Variants in TMEM131 observed in about 807,000 individuals in gnomAD.
TMEM131 encodes 2610524E03Rik.
In TMEM131, 66 loss-of-function variants were observed where a neutral mutation model predicts 211.6. The ratio of observed to expected loss-of-function variants is 0.31; its 90% CI spans 0.26 to 0.38. The LOEUF (loss-of-function observed/expected upper bound fraction) is 0.38, where lower values mean the gene tolerates loss of function less well. Among genes scored for constraint, TMEM131 ranks in the 10% least tolerant of loss-of-function variants. The probability of loss-of-function intolerance (pLI) is 1.00; values close to 1 mark genes in which losing one functional copy is unlikely to be tolerated. For missense variants in TMEM131, 2,036 were observed against 2,299.3 expected, an observed-to-expected ratio of 0.89 and a Z score of 2.34; for synonymous variants, 844 against 841.3, an observed-to-expected ratio of 1.00 and a Z score of -0.06.
chr2:97,758,005 G>A (rs1032516056), intron 40 of TMEM131, among the ~76,000 whole-genome samples: 11 of 152,074 alleles, frequency 7.2e-5, no homozygotes, highest in African/African-American at 2.4e-4. Flanking sequence ...GGTGGTGGGC[G>A]CCTCTAGTCC....
intron 11 of TMEM131, among the ~76,000 whole-genome samples, chr2:97,829,330 C>T (rs928692618): frequency 5.3e-5 from 8 of 152,138 alleles, no homozygotes; most frequent in Non-Finnish European, 1.0e-4. Flanking sequence ...CACCCATCAG[C>T]GCTCTGTATC....
chr2:97,766,436 A>G, intron 34 of TMEM131, 42 bp downstream of exon 34: 1 of 1,613,426 alleles, frequency 6.2e-7, no homozygotes. Flanking sequence ...GCACTATGAA[A>G]AGATCCGTAA....
chr2:97,883,586 A>G (rs926937992), intron 4 of TMEM131, among the ~76,000 whole-genome samples: 2 of 152,168 alleles, frequency 1.3e-5, no homozygotes, highest in African/African-American at 4.8e-5. Flanking sequence ...GCTAAAGGTT[A>G]ATTAAAATCT....
At chr2:97,892,524 CTAAT>C (rs1023103830) in intron 3 of TMEM131, among the ~76,000 whole-genome samples, 4 of 152,142 alleles carry the variant, frequency 2.6e-5, no homozygotes, top group African/African-American at 7.2e-5. Context: ...CCACAACTAG[CTAAT>C]TTATTATTAT....
intron 1 of TMEM131, among the ~76,000 whole-genome samples, chr2:97,984,031 T>C (rs1336908788): frequency 1.3e-5 from 2 of 152,182 alleles, no homozygotes; most frequent in African/African-American, 4.8e-5. Flanking sequence ...TACTTGGGGC[T>C]AGCCACACGG....
intron 3 of TMEM131, among the ~76,000 whole-genome samples, chr2:97,894,672 G>T (rs1445328739): frequency 6.6e-6 from 1 of 150,996 alleles, no homozygotes; most frequent in Non-Finnish European, 1.5e-5. Context: ...TCATGATTTG[G>T]CTGTCTGTTA....
chr2:97,774,423 CTG>C (rs1679615807), intron 32 of TMEM131, among the ~76,000 whole-genome samples: 1 of 152,236 alleles, frequency 6.6e-6, no homozygotes, highest in African/African-American at 2.4e-5. Flanking sequence ...AACTGACAAA[CTG>C]AGATCAGTTG....
chr2:97,827,021 A>G (rs1314960868), intron 11 of TMEM131, among the ~76,000 whole-genome samples: 1 of 150,940 alleles, frequency 6.6e-6, no homozygotes, highest in Non-Finnish European at 1.5e-5. Context: ...GGTTCCTCCC[A>G]AGCAATTAAG....
At chr2:97,814,529 G>A in intron 13 of TMEM131, 141 bp from the exon 14 acceptor site, 3 of 872,558 alleles carry the variant, frequency 3.4e-6, no homozygotes, top group Non-Finnish European at 4.9e-6. Flanking sequence ...TAATATTTTA[G>A]TGATTGACTA....
At chr2:97,961,527 G>A (rs1282895860) in intron 1 of TMEM131, among the ~76,000 whole-genome samples, 1 of 152,162 alleles carries the variant, frequency 6.6e-6, no homozygotes, top group Non-Finnish European at 1.5e-5. Context: ...CAAAATCTCA[G>A]GTTGTTGTTG....
Position 97,885,327 on chromosome 2 carries a change from G to T in TMEM131, c.359+2725C>A, listed in dbSNP as rs553996614. Among the ~76,000 whole-genome samples, 82 of 150,532 alleles carry T rather than the reference G, an allele frequency of 5.4e-4. 1 individual carries two copies. Among genetic ancestry groups the T allele is most frequent in the Non-Finnish European group, 1.0e-3 (68 of 67,596 alleles). ...CTGCCTCAGCCTCCCGAGTAGCTGG[G>T]ACTACAGGCGCCCGCCACCACGCCC... On this transcript the variant is annotated intron_variant, in intron 4 of 40. Transcript: ENST00000186436.
At chr2:97,782,729 G>C (rs147727525) in intron 31 of TMEM131, among the ~76,000 whole-genome samples, 26 of 152,138 alleles carry the variant, frequency 1.7e-4, no homozygotes, top group African/African-American at 6.3e-4. Flanking sequence ...CTCAATAGCA[G>C]AACAGAGGAG....
intron 3 of TMEM131, among the ~76,000 whole-genome samples, chr2:97,892,975 GC>G (rs948764216): frequency 2.6e-5 from 4 of 152,164 alleles, no homozygotes; most frequent in African/African-American, 7.2e-5. Flanking sequence ...GTATACATGT[GC>G]CATGGTGGTT....
intron 12 of TMEM131, among the ~76,000 whole-genome samples, chr2:97,818,310 A>T (rs143643241): frequency 6.6e-6 from 1 of 152,262 alleles, no homozygotes; most frequent in East Asian, 1.9e-4. Context: ...ATAATACATA[A>T]TATGTGTAAA....
At chr2:97,847,912 A>AT (rs199723556) in intron 5 of TMEM131, among the ~76,000 whole-genome samples, 123 of 151,534 alleles carry the variant, frequency 8.1e-4, no homozygotes, top group African/African-American at 2.2e-3. Context: ...ACTCAGCAGT[A>AT]TTTTTTTTTA....
chr2:97,944,141 A>C (rs1677926258), intron 1 of TMEM131, among the ~76,000 whole-genome samples: 1 of 152,122 alleles, frequency 6.6e-6, no homozygotes, highest in Admixed American at 6.6e-5. Flanking sequence ...AACAGAATAG[A>C]ACTGACAGTC....
intron 22 of TMEM131, among the ~76,000 whole-genome samples, chr2:97,803,948 G>A (rs1681160989): frequency 6.6e-6 from 1 of 152,170 alleles, no homozygotes; most frequent in Non-Finnish European, 1.5e-5. Context: ...GTCCATTAGA[G>A]GAAGTCTCTT....
chr2:97,799,798 T>A (rs1680938547), intron 25 of TMEM131, among the ~76,000 whole-genome samples: 2 of 152,196 alleles, frequency 1.3e-5, no homozygotes, highest in Admixed American at 1.3e-4. Context: ...ACTAAAATAC[T>A]CCTTCTTTTT....
chr2:97,941,074 T>C (rs1449087922), intron 1 of TMEM131, among the ~76,000 whole-genome samples: 2 of 152,050 alleles, frequency 1.3e-5, no homozygotes, highest in Non-Finnish European at 2.9e-5. Context: ...CTTCAAACTA[T>C]ACTACAAGGC....
Sources: gnomAD v4.1 joint callset for allele counts (sites outside exome capture counted in the v4.1 genomes callset) on GRCh38, gnomAD v4.1.1 for gene constraint, MANE v1.5 for transcripts, NCBI Gene and HGNC (gene_info 2026-07-23, HGNC 2026-07-21) for gene names.